HSP90AA1: variants seen among roughly 807,000 people sequenced by gnomAD.
The protein encoded by HSP90AA1 is heat shock protein 90 alpha family class A member 1, also known as heat shock protein HSP 90-alpha.
A neutral mutation model predicts 73.3 loss-of-function variants in HSP90AA1; 18 were observed. The observed-to-expected ratio is 0.25, with a 90% CI of 0.17 to 0.36. The LOEUF (loss-of-function observed/expected upper bound fraction) is 0.36. Ranked by LOEUF, HSP90AA1 falls within the 10% of genes least tolerant of loss-of-function variation. HSP90AA1 has a pLI of 1.00. For missense variants in HSP90AA1, 704 were observed against 874.2 expected, an observed-to-expected ratio of 0.81 and a Z score of 2.45; for synonymous variants, 477 against 296.9, an observed-to-expected ratio of 1.61 and a Z score of -6.24.
intron 1 of HSP90AA1, among the ~76,000 whole-genome samples, chr14:102,135,522 C>A (rs1170473635): frequency 3.3e-5 from 5 of 152,266 alleles, no homozygotes; most frequent in African/African-American, 1.2e-4. Context: ...CATTCCTCAG[C>A]CCTTGGGTGG....
Position 102,085,345 on chromosome 14 carries a change from T to C in HSP90AA1, c.616A>G (p.Ile206Val), listed in dbSNP as rs1042634340. The change falls in exon 4 of 11, where the codon ATT becomes GTT. Residue 206 changes from isoleucine (I) to valine (V), a missense_variant. Coordinates refer to ENST00000216281, the MANE Select transcript of HSP90AA1 (RefSeq NM_005348.4). ...EYLEERRIKE[I>V]VKKHSQFIGY... ...ATAAACTGAGAATGTTTCTTCACAA[T>C]CTCCTTTATTCTTCGTTCCTCCAAG... 5 of 1,612,440 alleles carry C rather than the reference T, an allele frequency of 3.1e-6. No individual in the cohort carries two copies. The highest frequency in any genetic ancestry group is 4.2e-6 in the Non-Finnish European group (5 of 1,178,516).
At chr14:102,128,630 G>A (rs1179880774) in intron 1 of HSP90AA1, among the ~76,000 whole-genome samples, 8 of 106,998 alleles carry the variant, frequency 7.5e-5, no homozygotes, top group Admixed American at 2.3e-4. Flanking sequence ...CTCCGTCTCG[G>A]AAAAAAAAAA....
Position 102,082,403 on chromosome 14 carries a change from A to T in HSP90AA1, c.1797T>A (p.Ile599=), listed in dbSNP as rs191895590. 233 of 1,613,790 alleles carry T rather than the reference A, an allele frequency of 1.4e-4. 1 individual carries two copies. In the East Asian group the frequency reaches 5.2e-3, roughly 36 times the overall value. ...SNRLVTSPCC[I]VTSTYGWTAN... ...CTGTCCAGCCATATGTGCTTGTGACAATACAGCATGGAGATGTCACCAATC... is the reference window on the plus strand; with the variant it reads ...CTGTCCAGCCATATGTGCTTGTGACTATACAGCATGGAGATGTCACCAATC... Residue 599 remains isoleucine, a synonymous_variant, in exon 10 of 11, where the codon ATT becomes ATA. Transcript: ENST00000216281.
chr14:102,084,043 A>G (rs2049160948), intron 6 of HSP90AA1, 60 bp from the exon 7 acceptor site: 10 of 1,230,990 alleles, frequency 8.1e-6, no homozygotes, highest in Non-Finnish European at 1.2e-5. Context: ...GGTACTATGT[A>G]AACTCCCAAA....
In HSP90AA1 at chr14:102,082,827, A is replaced by T. The variant is rs570304562; in HGVS notation, c.1755+207T>A. ...AGTAGAGACTGAGTTTCACCGTGTT[A>T]GCCAGGATGGTCTCGATCTCCTGAC... On this transcript the variant is annotated intron_variant, in intron 9 of 10. Transcript: ENST00000216281. 4.5e-5 allele frequency: 27 copies of T among 600,932 alleles called. No homozygotes were observed. In the African/African-American group the frequency reaches 5.0e-4, roughly 11 times the overall value. 37.2% of individuals were successfully genotyped at this position (600,932 alleles called of 1,614,324 possible). A position where few individuals can be genotyped will look rare whatever the true frequency, so the allele number is the denominator to read the frequency against.
chr14:102,104,040 CAA>C (rs751778522), intron 1 of HSP90AA1, among the ~76,000 whole-genome samples: 36 of 77,390 alleles, frequency 4.7e-4, no homozygotes, highest in Non-Finnish European at 3.0e-4. Flanking sequence ...AATTCTGTCT[CAA>C]AAAAAAAAAA....
intron 6 of HSP90AA1, 84 bp downstream of exon 6, chr14:102,084,315 G>C: frequency 2.3e-6 from 3 of 1,310,806 alleles, no homozygotes; most frequent in Non-Finnish European, 3.3e-6. Flanking sequence ...CAAAGTGCTA[G>C]GATTATAGGT....
exon 2 of HSP90AA1, chr14:102,101,930 C>A: frequency 6.2e-7 from 1 of 1,614,196 alleles, no homozygotes; most frequent in South Asian, 1.1e-5. Context: ...TTGCCCTGCA[C>A]CTTGGCTCTG....
intron 3 of HSP90AA1, 123 bp downstream of exon 3, chr14:102,085,631 TCTAG>T: frequency 7.0e-7 from 1 of 1,435,460 alleles, no homozygotes; most frequent in Non-Finnish European, 9.8e-7. Flanking sequence ...AATTAAGTGC[TCTAG>T]CTTGTTCCTG....
intron 8 of HSP90AA1, 33 bp downstream of exon 8, chr14:102,083,510 AACG>A (rs1458130176): frequency 1.2e-6 from 2 of 1,603,574 alleles, no homozygotes; most frequent in African/African-American, 2.7e-5. Flanking sequence ...AGATTGTAAG[AACG>A]ACGTGTATGA....
intron 1 of HSP90AA1, among the ~76,000 whole-genome samples, chr14:102,134,771 G>A (rs1299875973): frequency 6.6e-6 from 1 of 152,200 alleles, no homozygotes; most frequent in African/African-American, 2.4e-5. Context: ...GTGAGCAGTA[G>A]CAAGATTTAT....
intron 1 of HSP90AA1, among the ~76,000 whole-genome samples, chr14:102,129,529 G>C (rs1201542722): frequency 1.4e-5 from 2 of 139,372 alleles, no homozygotes; most frequent in African/African-American, 5.4e-5. Flanking sequence ...TTGAGTTGGA[G>C]TCTTGCTGTG....
intron 1 of HSP90AA1, among the ~76,000 whole-genome samples, chr14:102,119,918 G>T (rs1275848733): frequency 2.6e-5 from 4 of 152,110 alleles, no homozygotes; most frequent in African/African-American, 7.2e-5. Flanking sequence ...TATACATTTG[G>T]GTTGGAGAAT....
chr14:102,088,232 G>C (rs2049296331), upstream of HSP90AA1, among the ~76,000 whole-genome samples: 1 of 152,192 alleles, frequency 6.6e-6, no homozygotes, highest in African/African-American at 2.4e-5. Flanking sequence ...AAGGCCAGCT[G>C]TGGGAACCTT....
chr14:102,134,076 G>C (rs985348760), intron 1 of HSP90AA1, among the ~76,000 whole-genome samples: 2 of 151,568 alleles, frequency 1.3e-5, no homozygotes, highest in African/African-American at 4.8e-5. Flanking sequence ...GCTTCAACCT[G>C]GGAGACAGAG....
At chr14:102,100,171 G>T (rs1646711054) in intron 2 of HSP90AA1, among the ~76,000 whole-genome samples, 1 of 152,110 alleles carries the variant, frequency 6.6e-6, no homozygotes. Flanking sequence ...CTGGGTAGCA[G>T]AGCAAAACTC....
rs944466744 is a variant in HSP90AA1, at chr14:102,085,339, T to C, written c.622A>G (p.Lys208Glu). The part of the protein sequence containing the change: ...LEERRIKEIV[K>E]KHSQFIGYPI... ...TATCCAATAAACTGAGAATGTTTCT[T>C]CACAATCTCCTTTATTCTTCGTTCC... The change falls in exon 4 of 11, where the codon AAG (lysine) becomes GAG (glutamate). Residue 208 changes from lysine to glutamate, a missense_variant. Lys to Glu is a moderately conservative substitution (Grantham distance 56, BLOSUM62 1). Transcript: ENST00000216281. 1.2e-6 allele frequency: 2 copies of C among 1,611,434 alleles called. No homozygotes were observed. Among genetic ancestry groups the C allele is most frequent in the African/African-American group, 2.7e-5 (2 of 74,874 alleles).
chr14:102,103,131 A>G, intron 1 of HSP90AA1, among the ~76,000 whole-genome samples: 1 of 148,144 alleles, frequency 6.8e-6, no homozygotes, highest in African/African-American at 2.5e-5. Context: ...CAGTGGGCCA[A>G]GATGGTGCCA....
chr14:102,081,441 TAAC>T lies in HSP90AA1; in HGVS notation c.*268_*270del. 1 of 524,856 alleles carries T rather than the reference TAAC, an allele frequency of 1.9e-6. No homozygotes were observed. The highest frequency in any genetic ancestry group is 3.4e-6 in the Non-Finnish European group (1 of 292,774). 32.5% of individuals were successfully genotyped at this position (524,856 alleles called of 1,614,324 possible). A position where few individuals can be genotyped will look rare whatever the true frequency, so the allele number is the denominator to read the frequency against. ...AGCTAAACACTTTAGACCACAAAGTTAACATCATGTTACATACGTCTTACAGTG... is the reference window on the plus strand; with the variant it reads ...AGCTAAACACTTTAGACCACAAAGTTATCATGTTACATACGTCTTACAGTG... On this transcript the variant is annotated 3_prime_UTR_variant, in exon 11 of 11. Transcript: ENST00000216281.
Sources: gnomAD v4.1 joint callset for allele counts (sites outside exome capture counted in the v4.1 genomes callset) on GRCh38, gnomAD v4.1.1 for gene constraint, MANE v1.5 for transcripts, NCBI Gene and HGNC (gene_info 2026-07-23, HGNC 2026-07-21) for gene names.